The following NKAIN3 variants were observed in gnomAD, a reference collection of about 807,000 sequenced individuals.
NKAIN3 encodes sodium/potassium-transporting ATPase subunit beta-1-interacting protein 3.
Under a neutral mutation model 30.2 loss-of-function variants are expected in NKAIN3, and 25 were observed. The ratio of observed to expected loss-of-function variants is 0.83; its 90% CI spans 0.60 to 1.16. The LOEUF is 1.16. Among genes scored for constraint, NKAIN3 ranks in the 50% most tolerant of loss-of-function variants. The pLI is 0.00. For missense variants in NKAIN3, 225 were observed against 254.1 expected (o/e 0.89, Z 0.78); for synonymous variants, 91 against 89.6 (o/e 1.02, Z -0.09).
At chr8:62,491,103 G>A (rs1393386965) in intron 1 of NKAIN3, among the ~76,000 whole-genome samples, 5 of 152,114 alleles carry the variant, frequency 3.3e-5, no homozygotes, top group African/African-American at 1.2e-4. Context: ...CCTACCTATT[G>A]TGTCATATGG....
At chr8:62,551,598 G>A (rs1386450808) in intron 1 of NKAIN3, among the ~76,000 whole-genome samples, 1 of 152,204 alleles carries the variant, frequency 6.6e-6, no homozygotes, top group Non-Finnish European at 1.5e-5. Flanking sequence ...AGAGGTCAGA[G>A]AGGACAAAAC....
chr8:62,440,566 G>A (rs1805292457), intron 1 of NKAIN3, among the ~76,000 whole-genome samples: 1 of 151,998 alleles, frequency 6.6e-6, no homozygotes, highest in African/African-American at 2.4e-5. Context: ...TTGAAACACT[G>A]GCTAGTGTCC....
chr8:62,864,132 G>A (rs1466541995), intron 4 of NKAIN3: 7 of 619,384 alleles, frequency 1.1e-5, no homozygotes, highest in Non-Finnish European at 2.0e-5. Context: ...TGATGGCGAC[G>A]CGAGCGCGGA....
At position 62,977,572 on chromosome 8, in the gene NKAIN3, G is replaced by T. The variant is rs113871919; in HGVS notation, c.*12165G>T. On this transcript the variant is annotated 3_prime_UTR_variant, in exon 7 of 7. Transcript: ENST00000623646. ...GTCATTTGTGTTCTTCTCTAAACTGGTTATTCTCTAAACTGGTTATTCTAG... is the reference window on the plus strand; with the variant it reads ...GTCATTTGTGTTCTTCTCTAAACTGTTTATTCTCTAAACTGGTTATTCTAG... Among the ~76,000 whole-genome samples, 9 of 150,196 alleles carry T rather than the reference G, an allele frequency of 6.0e-5. No homozygotes were observed. Among genetic ancestry groups the T allele is most frequent in the African/African-American group, 2.0e-4 (8 of 39,782 alleles).
At chr8:62,865,855 A>G (rs11986506) in intron 4 of NKAIN3, among the ~76,000 whole-genome samples, 208 of 152,296 alleles carry the variant, frequency 1.4e-3, no homozygotes, top group African/African-American at 4.8e-3. Flanking sequence ...CAGAAAAGCT[A>G]CCAAGTCTTG....
intron 1 of NKAIN3, among the ~76,000 whole-genome samples, chr8:62,435,063 A>C (rs957843433): frequency 3.3e-5 from 5 of 152,100 alleles, no homozygotes; most frequent in African/African-American, 1.2e-4. Context: ...AGGACAGGAG[A>C]AGAGGGTGGA....
chr8:62,813,501 T>C (rs1436799189), intron 4 of NKAIN3, among the ~76,000 whole-genome samples: 1 of 2,868 alleles, frequency 3.5e-4, no homozygotes, highest in Non-Finnish European at 9.9e-4. Flanking sequence ...GAGTCTTCCT[T>C]TTTTTTTTTT....
chr8:62,510,248 T>C (rs1168526183), intron 1 of NKAIN3, among the ~76,000 whole-genome samples: 1 of 151,966 alleles, frequency 6.6e-6, no homozygotes, highest in African/African-American at 2.4e-5. Context: ...GAAAGGAATA[T>C]CAACATCAAA....
chr8:62,325,049 T>C (rs1433164014), intron 1 of NKAIN3, among the ~76,000 whole-genome samples: 1 of 152,126 alleles, frequency 6.6e-6, no homozygotes, highest in Non-Finnish European at 1.5e-5. Flanking sequence ...AGTTATTTAG[T>C]GGTGATTTCT....
At chr8:62,843,999 C>T (rs934870503) in intron 4 of NKAIN3, among the ~76,000 whole-genome samples, 2 of 152,098 alleles carry the variant, frequency 1.3e-5, no homozygotes. Flanking sequence ...AAACTTTATA[C>T]TAAGAATCCT....
intron 5 of NKAIN3, chr8:62,990,445 T>A: frequency 1.1e-6 from 1 of 903,804 alleles, no homozygotes; most frequent in Non-Finnish European, 1.4e-6. Flanking sequence ...CATTGATTCC[T>A]AAAGATTGCC....
At chr8:62,562,827 T>G (rs1486597258) in intron 1 of NKAIN3, among the ~76,000 whole-genome samples, 2 of 152,206 alleles carry the variant, frequency 1.3e-5, no homozygotes, top group African/African-American at 4.8e-5. Flanking sequence ...GCTGAAAATG[T>G]GTACTTTAAA....
intron 3 of NKAIN3, among the ~76,000 whole-genome samples, chr8:62,627,417 C>G (rs1349799503): frequency 2.0e-5 from 3 of 152,040 alleles, no homozygotes; most frequent in Admixed American, 2.0e-4. Flanking sequence ...ATAGACCTGG[C>G]TGGGACCAGG....
chr8:62,760,589 A>G (rs1816622021), intron 4 of NKAIN3, among the ~76,000 whole-genome samples: 1 of 143,360 alleles, frequency 7.0e-6, no homozygotes, highest in South Asian at 2.4e-4. Flanking sequence ...GAACACATGG[A>G]CACAGGAAGG....
At chr8:62,855,693 T>C (rs1820041139) in intron 4 of NKAIN3, 1 of 1,599,626 alleles carries the variant, frequency 6.3e-7, no homozygotes, top group South Asian at 1.1e-5. Flanking sequence ...CTGTCACTTC[T>C]GCATGTGAAG....
chr8:62,928,069 A>C (rs1476453492), intron 5 of NKAIN3, among the ~76,000 whole-genome samples: 1 of 152,162 alleles, frequency 6.6e-6, no homozygotes, highest in Non-Finnish European at 1.5e-5. Context: ...TACTAAGAAA[A>C]AAATAATAAT....
chr8:62,290,468 G>T (rs907221357), intron 1 of NKAIN3, among the ~76,000 whole-genome samples: 2 of 152,100 alleles, frequency 1.3e-5, no homozygotes, highest in African/African-American at 2.4e-5. Flanking sequence ...ATTGAATTTT[G>T]TCAAAGGCCT....
chr8:62,811,675 G>C (rs2130714851), intron 4 of NKAIN3, among the ~76,000 whole-genome samples: 1 of 151,918 alleles, frequency 6.6e-6, no homozygotes, highest in East Asian at 1.9e-4. Flanking sequence ...TATCCTCTTT[G>C]GTAAAATGTC....
intron 1 of NKAIN3, among the ~76,000 whole-genome samples, chr8:62,523,568 C>A (rs75386677): frequency 0.014 from 2,072 of 152,208 alleles, 33 homozygotes; most frequent in African/African-American, 0.044. Context: ...CACTGGGTTT[C>A]ACTGTTGTAT....
Sources: gnomAD v4.1 joint callset for allele counts (sites outside exome capture counted in the v4.1 genomes callset) on GRCh38, gnomAD v4.1.1 for gene constraint, MANE v1.5 for transcripts, NCBI Gene and HGNC (gene_info 2026-07-23, HGNC 2026-07-21) for gene names.